Variants in TENM3 observed in about 807,000 individuals in gnomAD.
TENM3 encodes the protein teneurin-3.
In TENM3, 63 loss-of-function variants were observed where a neutral mutation model predicts 255.1. The observed-to-expected ratio is 0.25, with a 90% CI of 0.20 to 0.30. The LOEUF (loss-of-function observed/expected upper bound fraction) is 0.30, where lower values mean the gene tolerates loss of function less well. TENM3 is among the 10% of genes least tolerant of loss of function. The pLI, the probability that TENM3 is intolerant of heterozygous loss-of-function variation, is 1.00. For synonymous variants in TENM3, 1,306 were observed against 1,322.3 expected (o/e 0.99, Z 0.27); for missense variants, 2,929 against 3,461.1 (o/e 0.85, Z 3.86).
the TENM3 span, among the ~76,000 whole-genome samples, chr4:181,993,552 AAC>A: frequency 6.6e-6 from 1 of 152,172 alleles, no homozygotes; most frequent in Admixed American, 6.5e-5. Context: ...TGGTTTCAGA[AAC>A]ACAGTCATTT....
chr4:181,949,834 A>G, the TENM3 span, among the ~76,000 whole-genome samples: 9 of 151,992 alleles, frequency 5.9e-5, no homozygotes, highest in South Asian at 1.9e-3. Context: ...CTGGTGGTCT[A>G]TGGTTGTGCC....
chr4:181,984,789 CGTGTGTGT>C, the TENM3 span, among the ~76,000 whole-genome samples: 3,902 of 138,534 alleles, frequency 0.028, 99 homozygotes, highest in African/African-American at 0.061. Context: ...CTAAAAGAGT[CGTGTGTGT>C]GTGTGTGTGT....
chr4:181,739,702 G>T, the TENM3 span, among the ~76,000 whole-genome samples: 1 of 152,180 alleles, frequency 6.6e-6, no homozygotes. Context: ...CTTTCCCAAG[G>T]GGTGGAAGAA....
rs562678096 is a variant in TENM3, at chr4:182,481,167, G to A, written c.512-119757G>A. 7.4e-4 allele frequency among the ~76,000 whole-genome samples: 112 copies of A among 152,138 alleles called. No individual in the cohort carries two copies. In the South Asian group the frequency reaches 0.018, roughly 25 times the overall value. On this transcript the variant is annotated intron_variant, in intron 3 of 27. Coordinates refer to ENST00000511685, the MANE Select transcript of TENM3 (RefSeq NM_001080477.4). ...GCCAAGAGAGTTTCTATAACAAGTC[G>A]TAAATATATTTTTTAAAGAAACAGA... is the stretch of plus-strand genomic sequence containing the variant.
At chr4:182,217,369 C>T (rs189822769) in intron 1 of TENM3, among the ~76,000 whole-genome samples, 229 of 152,156 alleles carry the variant, frequency 1.5e-3, no homozygotes, top group Non-Finnish European at 1.8e-3. Context: ...AAGTGATTAT[C>T]TGACTAGTAC....
intron 1 of TENM3, among the ~76,000 whole-genome samples, chr4:182,230,052 G>C (rs1393395903): frequency 2.0e-5 from 3 of 150,814 alleles, no homozygotes; most frequent in Non-Finnish European, 2.9e-5. Flanking sequence ...ATTTTAAGTA[G>C]CCAGAGACTC....
intron 22 of TENM3, among the ~76,000 whole-genome samples, chr4:182,756,615 G>A (rs1421789290): frequency 6.6e-6 from 1 of 152,138 alleles, no homozygotes; most frequent in Non-Finnish European, 1.5e-5. Flanking sequence ...GCACACCTCT[G>A]AAATTATCAT....
chr4:181,451,449 G>A, the TENM3 span, among the ~76,000 whole-genome samples: 1 of 152,258 alleles, frequency 6.6e-6, no homozygotes, highest in Admixed American at 6.5e-5. Flanking sequence ...AGACTGATGA[G>A]GTCAGATTTC....
intron 1 of TENM3, among the ~76,000 whole-genome samples, chr4:182,217,580 G>T (rs1191476465): frequency 6.6e-6 from 1 of 151,946 alleles, no homozygotes; most frequent in East Asian, 1.9e-4. Context: ...TCTTTAATTC[G>T]CATAACCCTT....
At chr4:181,684,013 A>T in the TENM3 span, among the ~76,000 whole-genome samples, 3 of 152,328 alleles carry the variant, frequency 2.0e-5, no homozygotes, top group Admixed American at 1.3e-4. Flanking sequence ...AGCATTTAAC[A>T]AATAGTAGTT....
At chr4:182,533,626 A>G (rs1739989936) in intron 3 of TENM3, among the ~76,000 whole-genome samples, 3 of 151,122 alleles carry the variant, frequency 2.0e-5, no homozygotes, top group Admixed American at 2.0e-4. Context: ...AGAATATTCG[A>G]CTCCTGAAGT....
chr4:181,642,399 A>C, the TENM3 span, among the ~76,000 whole-genome samples: 10 of 152,020 alleles, frequency 6.6e-5, no homozygotes, highest in East Asian at 1.9e-3. Flanking sequence ...AGACGGCAAA[A>C]ATTTTACCCA....
the TENM3 span, among the ~76,000 whole-genome samples, chr4:181,710,196 C>T: frequency 1.3e-5 from 2 of 151,960 alleles, no homozygotes; most frequent in African/African-American, 2.4e-5. Context: ...CCAGGAGGTA[C>T]CACCAGTTAG....
At chr4:181,904,199 C>T in the TENM3 span, among the ~76,000 whole-genome samples, 6 of 152,206 alleles carry the variant, frequency 3.9e-5, no homozygotes, top group South Asian at 1.0e-3. Flanking sequence ...TCCACCGCCA[C>T]CACCTTTGGA....
At chr4:181,804,158 G>GGAAGGAAA in the TENM3 span, among the ~76,000 whole-genome samples, 1 of 149,702 alleles carries the variant, frequency 6.7e-6, no homozygotes, top group African/African-American at 2.5e-5. Context: ...AACCAAGGAA[G>GGAAGGAAA]GAAGGAAAGA....
intron 3 of TENM3, among the ~76,000 whole-genome samples, chr4:182,522,342 G>A (rs1469456067): frequency 2.6e-5 from 4 of 151,868 alleles, no homozygotes; most frequent in African/African-American, 4.8e-5. Context: ...TTTTTCTCCC[G>A]CTTTCACTTT....
chr4:181,612,123 C>T, the TENM3 span, among the ~76,000 whole-genome samples: 1 of 152,324 alleles, frequency 6.6e-6, no homozygotes, highest in Admixed American at 6.5e-5. Context: ...CGTCCGCCCC[C>T]AGAGCCCCAG....
chr4:181,989,182 C>T, the TENM3 span, among the ~76,000 whole-genome samples: 4 of 152,002 alleles, frequency 2.6e-5, no homozygotes, highest in East Asian at 3.9e-4. Context: ...GAACAGAAGG[C>T]AGGGGCCCTG....
At chr4:181,771,532 A>G in the TENM3 span, among the ~76,000 whole-genome samples, 2 of 152,200 alleles carry the variant, frequency 1.3e-5, no homozygotes, top group African/African-American at 4.8e-5. Flanking sequence ...GAATGTATCA[A>G]TCTCTCATTT....
Sources: allele counts gnomAD v4.1 joint callset (sites outside exome capture counted in the v4.1 genomes callset), GRCh38; gene constraint gnomAD v4.1.1; transcripts MANE v1.5; gene names NCBI Gene and HGNC (gene_info 2026-07-23, HGNC 2026-07-21).